COL6A3: variants seen among roughly 807,000 people sequenced by gnomAD.
COL6A3 encodes collagen type VI alpha 3 chain.
Under a neutral mutation model 274.1 loss-of-function variants are expected in COL6A3, and 137 were observed. That is an observed-to-expected ratio of 0.50 (90% CI 0.44 to 0.58). COL6A3 has a LOEUF of 0.58. COL6A3 is among the 20% of genes least tolerant of loss of function. COL6A3 has a pLI of 0.00. For missense variants in COL6A3, 3,950 were observed against 4,124.9 expected (o/e 0.96, Z 1.16); for synonymous variants, 1,650 against 1,650.6 (o/e 1.00, Z 0.01).
chr2:237,369,177 G>T lies in COL6A3; in HGVS notation c.4286C>A (p.Ala1429Glu). The T allele has an allele frequency of 6.2e-7, 1 of 1,609,672 alleles. No homozygotes were observed. The highest frequency in any genetic ancestry group is 8.5e-7 in the Non-Finnish European group (1 of 1,179,996). The change falls in exon 10 of 44, where the codon GCA (alanine) becomes GAA (glutamate). Residue 1429 changes from alanine (A) to glutamate (E), a missense_variant and splice_region_variant. Transcript: ENST00000295550. ...LLASTRYPPPAVESDAADIVF... is the reference protein window; with the variant it reads ...LLASTRYPPPEVESDAADIVF... ...AATGTCTGCAGCATCACTCTCAACTGCTGCAGATCAAAGAAGAAAAAGGGA... is the reference window on the plus strand; with the variant it reads ...AATGTCTGCAGCATCACTCTCAACTTCTGCAGATCAAAGAAGAAAAAGGGA...
chr2:237,408,938 A>G (rs1255723511), intron 1 of COL6A3, among the ~76,000 whole-genome samples: 2 of 152,054 alleles, frequency 1.3e-5, no homozygotes, highest in African/African-American at 4.8e-5. Context: ...AATCAACTTA[A>G]AAGAGGCTAC....
intron 36 of COL6A3, chr2:237,343,334 A>G (rs1466418922): frequency 1.8e-5 from 1 of 54,066 alleles, no homozygotes; most frequent in Non-Finnish European, 4.8e-5. Context: ...CGTCTCTACT[A>G]AAAAAAAAAA....
At position 237,340,536 on chromosome 2, in the gene COL6A3, A is replaced by C. The variant is rs747725992; in HGVS notation, c.8380T>G (p.Phe2794Val). 4 of 1,614,178 alleles carry C rather than the reference A, an allele frequency of 2.5e-6. No individual in the cohort carries two copies. Among genetic ancestry groups the C allele is most frequent in the Non-Finnish European group, 3.4e-6 (4 of 1,180,032 alleles). The part of the protein sequence containing the change: ...YTFASEPNDV[F>V]FKLVDKSTEL... ...GTGGACTTGTCCACTAATTTGAAGAAGACGTCGTTTGGCTCACTGGCGAAG... is the reference window on the plus strand; with the variant it reads ...GTGGACTTGTCCACTAATTTGAAGACGACGTCGTTTGGCTCACTGGCGAAG... The change falls in exon 38 of 44, where the codon TTC becomes GTC. Residue 2794 changes from phenylalanine to valine, a missense_variant. By Grantham distance (50) the Phe-to-Val change is conservative. This residue lies in a region of COL6A3 where 1,284 missense variants were observed against 1,349.7 expected (regional missense o/e 0.95). Coordinates refer to ENST00000295550, the MANE Select transcript of COL6A3 (RefSeq NM_004369.4).
chr2:237,364,578 C>A lies in COL6A3; in HGVS notation c.5839-150G>T. 1 of 695,400 alleles carries A rather than the reference C, an allele frequency of 1.4e-6. No homozygotes were observed. Among genetic ancestry groups the A allele is most frequent in the Non-Finnish European group, 2.6e-6 (1 of 385,858 alleles). The allele number at this position is 695,400 out of a possible 1,614,324, so 43.1% of individuals were successfully genotyped here. A position where few individuals can be genotyped will look rare whatever the true frequency, so the allele number is the denominator to read the frequency against. On this transcript the variant is annotated intron_variant, in intron 12 of 43. Coordinates refer to ENST00000295550, the MANE Select transcript of COL6A3 (RefSeq NM_004369.4). The surrounding 1 kb of genome is among the most constrained non-coding windows in gnomAD (Gnocchi z 4.6). ...AAGTTGAGGAATGATTACCCATGTTCACAAGACTTTGATATTGCACTTAAA... is the reference window on the plus strand; with the variant it reads ...AAGTTGAGGAATGATTACCCATGTTAACAAGACTTTGATATTGCACTTAAA...
Position 237,344,827 on chromosome 2 carries a change from G to T in COL6A3, c.7191C>A (p.Pro2397=). 1 of 1,612,734 alleles carries T rather than the reference G, an allele frequency of 6.2e-7. No individual in the cohort carries two copies. The highest frequency in any genetic ancestry group is 8.5e-7 in the Non-Finnish European group (1 of 1,179,896). ...CAAAGGCTAGTTCTGTTGGGAAGAC[G>T]GGGCACTCCAGGGGCCCTGTGGAAA... ...CPCCYGPLEC[P]VFPTELAFAL... Residue 2397 remains proline (P), a synonymous_variant, in exon 36 of 44, where the codon CCC becomes CCA. Coordinates refer to ENST00000295550, the MANE Select transcript of COL6A3 (RefSeq NM_004369.4). The surrounding 1 kb of genome is among the most constrained non-coding windows in gnomAD (Gnocchi z 4.8).
At chr2:237,333,425 T>C (rs747895385) in intron 42 of COL6A3, 25 bp downstream of exon 42, 2 of 1,599,584 alleles carry the variant, frequency 1.3e-6, no homozygotes, top group East Asian at 4.5e-5. Flanking sequence ...GTGCCATTAA[T>C]GGACCTAATA....
chr2:237,372,561 C>T lies in COL6A3; in HGVS notation c.3680-224G>A, dbSNP rs535359252. Reference sequence around the variant, plus strand: ...CCGACGGAGGCAGAATCAGAAGAGCCTCATCAGCACCAGCGAGGATGGTAC... The same window carrying T: ...CCGACGGAGGCAGAATCAGAAGAGCTTCATCAGCACCAGCGAGGATGGTAC... On this transcript the variant is annotated intron_variant, in intron 8 of 43. Transcript: ENST00000295550. 2.6e-5 allele frequency among the ~76,000 whole-genome samples: 4 copies of T among 152,268 alleles called. No individual in the cohort carries two copies. In the South Asian group the frequency reaches 8.3e-4, roughly 32 times the overall value.
At chr2:237,403,263 G>A (rs1425737514) in intron 1 of COL6A3, among the ~76,000 whole-genome samples, 1 of 152,132 alleles carries the variant, frequency 6.6e-6, no homozygotes, top group Non-Finnish European at 1.5e-5. Flanking sequence ...CACAGTGTGG[G>A]CCCTAGGCCT....
At chr2:237,375,345 G>A (rs2077809751) in intron 7 of COL6A3, among the ~76,000 whole-genome samples, 1 of 152,166 alleles carries the variant, frequency 6.6e-6, no homozygotes, top group African/African-American at 2.4e-5. Context: ...GATGGAGGAT[G>A]GGGCCAGGAG....
chr2:237,359,016 A>G lies in COL6A3; in HGVS notation c.6408+19T>C, dbSNP rs2077377443. 1.2e-6 allele frequency: 2 copies of G among 1,611,424 alleles called. No homozygotes were observed. Among genetic ancestry groups the G allele is most frequent in the East Asian group, 4.5e-5 (2 of 44,874 alleles). On this transcript the variant is annotated intron_variant, in intron 20 of 43. Coordinates refer to ENST00000295550, the MANE Select transcript of COL6A3 (RefSeq NM_004369.4). ...TTGATATTCTTTCCATAATAGCACC[A>G]CCGTGGAAATACACCTACCCTTCTT... is the stretch of plus-strand genomic sequence containing the variant.
Position 237,341,056 on chromosome 2 carries a change from C to T in COL6A3, c.7860G>A (p.Met2620Ile), listed in dbSNP as rs768129302. Residue 2620 changes from methionine (M) to isoleucine (I), a missense_variant, in exon 38 of 44, where the codon ATG becomes ATA. Physicochemically the swap from Met to Ile is conservative, Grantham distance 10. This residue lies in a region of COL6A3 where 1,284 missense variants were observed against 1,349.7 expected (regional missense o/e 0.95). Coordinates refer to ENST00000295550, the MANE Select transcript of COL6A3 (RefSeq NM_004369.4). Reference protein sequence around the residue: ...RAAGSDVDIDMAFILDSAETT... With the variant: ...RAAGSDVDIDIAFILDSAETT... Reference sequence around the variant, plus strand: ...TCTCAGCGCTGTCTAAGATGAAAGCCATGTCGATGTCCACATCGCTCCCTG... The same window carrying T: ...TCTCAGCGCTGTCTAAGATGAAAGCTATGTCGATGTCCACATCGCTCCCTG... 6.2e-6 allele frequency: 10 copies of T among 1,614,138 alleles called. No individual in the cohort carries two copies. The highest frequency in any genetic ancestry group is 1.1e-5 in the South Asian group (1 of 91,066).
In COL6A3 at chr2:237,376,969, C is replaced by A. The variant is rs750617896; in HGVS notation, c.2873G>T (p.Gly958Val). 3 of 1,614,166 alleles carry A rather than the reference C, an allele frequency of 1.9e-6. No homozygotes were observed. In the South Asian group the frequency reaches 3.3e-5, roughly 18 times the overall value. Reference sequence around the variant, plus strand: ...ACTCTGCTTCAGGTTACTTGCTGGCCCATCCACACGGTCAGATGACCTTCC... The same window carrying A: ...ACTCTGCTTCAGGTTACTTGCTGGCACATCCACACGGTCAGATGACCTTCC... ...VAGRSSDRVD[G>V]PASNLKQSGV... is the part of the protein sequence containing the mutation. Residue 958 changes from glycine to valine, a missense_variant, in exon 7 of 44, where the codon GGG becomes GTG. This residue lies in a region of COL6A3 where 1,934 missense variants were observed against 1,984.3 expected (regional missense o/e 0.97). Coordinates refer to ENST00000295550, the MANE Select transcript of COL6A3 (RefSeq NM_004369.4).
intron 41 of COL6A3, 152 bp downstream of exon 41, chr2:237,334,474 C>T (rs1700425363): frequency 1.2e-6 from 1 of 849,262 alleles, no homozygotes; most frequent in Non-Finnish European, 1.9e-6. Flanking sequence ...CACCAAAGCA[C>T]CCAGGCTGAG....
Position 237,357,829 on chromosome 2 carries a change from G to A in COL6A3, c.6525C>T (p.Asp2175=). Residue 2175 remains aspartate, a synonymous_variant, in exon 22 of 44, where the codon GAC becomes GAT. Transcript: ENST00000295550. ...TGCAGCACCTTACCATGGGGCCGAG[G>A]TCACCGGTTTCTCCTTTGGGTCCTC... The part of the protein sequence containing the change: ...QERGPKGETG[D]LGPMGVPGRD... The A allele has an allele frequency of 1.2e-6, 2 of 1,614,150 alleles. No homozygotes were observed. Among genetic ancestry groups the A allele is most frequent in the Non-Finnish European group, 1.7e-6 (2 of 1,180,018 alleles).
At chr2:237,391,492 T>C (rs1015264489) in intron 3 of COL6A3, among the ~76,000 whole-genome samples, 5 of 150,002 alleles carry the variant, frequency 3.3e-5, no homozygotes, top group African/African-American at 1.2e-4. Context: ...ATTTCTCTAC[T>C]GGTCCCTTTC....
intron 42 of COL6A3, 95 bp downstream of exon 42, chr2:237,333,355 G>T: frequency 8.7e-7 from 1 of 1,150,494 alleles, no homozygotes; most frequent in Non-Finnish European, 1.3e-6. Context: ...TAGAAGTCAT[G>T]CCTGGGCTAA....
Position 237,395,034 on chromosome 2 carries a change from GTGGGTTTCCGTTGAAC to G in COL6A3, c.246_261del (p.Gln82HisfsTer7). On this transcript the variant is annotated frameshift_variant, in exon 3 of 44. Transcript: ENST00000295550. LOFTEE classifies it high-confidence loss of function. ...TACGTATTTAACAGGAACTCGGTAT[GTGGGTTTCCGTTGAAC>G]TGGACCAGAGCAAAATGGAAATCAT... The G allele has an allele frequency of 1.2e-6, 2 of 1,614,144 alleles. No individual in the cohort carries two copies. The highest frequency in any genetic ancestry group is 1.7e-6 in the Non-Finnish European group (2 of 1,180,012).
intron 4 of COL6A3, among the ~76,000 whole-genome samples, chr2:237,383,909 C>T (rs1406552583): frequency 6.6e-6 from 1 of 152,136 alleles, no homozygotes; most frequent in Non-Finnish European, 1.5e-5. Context: ...AAGGATTCAG[C>T]TCTGGGAACC....
chr2:237,391,222 G>A (rs180676205), intron 3 of COL6A3, among the ~76,000 whole-genome samples: 7 of 152,358 alleles, frequency 4.6e-5, no homozygotes, highest in Non-Finnish European at 1.0e-4. Flanking sequence ...GAACTGCAGA[G>A]TGATGTTAAT....
Sources: allele counts gnomAD v4.1 joint callset (sites outside exome capture counted in the v4.1 genomes callset), GRCh38; gene constraint gnomAD v4.1.1; regional missense constraint gnomAD v4.1.1; non-coding constraint Gnocchi (gnomAD v3.1); transcripts MANE v1.5; gene names NCBI Gene and HGNC (gene_info 2026-07-23, HGNC 2026-07-21).